The following HMCN1 variants were observed in gnomAD, a reference collection of about 807,000 sequenced individuals.
HMCN1 encodes the protein hemicentin 1.
HMCN1 carries 321 observed loss-of-function variants against 625.9 expected under a neutral mutation model. The observed-to-expected ratio is 0.51, with a 90% CI of 0.47 to 0.56. The LOEUF (loss-of-function observed/expected upper bound fraction) is 0.56. Among genes scored for constraint, HMCN1 ranks in the 20% least tolerant of loss-of-function variants. The probability of loss-of-function intolerance (pLI) is 0.00; values close to 1 mark genes in which losing one functional copy is unlikely to be tolerated. For missense variants in HMCN1, 6,588 were observed against 6,887.3 expected, an observed-to-expected ratio of 0.96 and a Z score of 1.54; for synonymous variants, 2,425 against 2,417.6, an observed-to-expected ratio of 1.00 and a Z score of -0.09.
chr1:185,955,772 A>C (rs1406193768), intron 11 of HMCN1, among the ~76,000 whole-genome samples: 2 of 152,100 alleles, frequency 1.3e-5, no homozygotes, highest in African/African-American at 4.8e-5. Context: ...GTCAGCCTCT[A>C]TGTCCATTAC....
At chr1:185,824,988 A>G (rs1571406873) in intron 1 of HMCN1, among the ~76,000 whole-genome samples, 1 of 152,186 alleles carries the variant, frequency 6.6e-6, no homozygotes, top group East Asian at 1.9e-4. Flanking sequence ...AATGATTACT[A>G]TAATGGCTGA....
chr1:186,033,291 AG>A (rs1315001653), intron 36 of HMCN1, among the ~76,000 whole-genome samples: 1 of 152,132 alleles, frequency 6.6e-6, no homozygotes, highest in Non-Finnish European at 1.5e-5. Context: ...TTGGGGATTC[AG>A]GGGGAAGTGT....
At chr1:185,889,002 T>G (rs1664866467) in intron 4 of HMCN1, among the ~76,000 whole-genome samples, 1 of 146,294 alleles carries the variant, frequency 6.8e-6, no homozygotes, top group Admixed American at 6.6e-5. Context: ...CGGTTTGTAG[T>G]TCTCCTTGAA....
intron 2 of HMCN1, among the ~76,000 whole-genome samples, chr1:185,857,182 A>G (rs1662520165): frequency 6.6e-6 from 1 of 152,136 alleles, no homozygotes; most frequent in Non-Finnish European, 1.5e-5. Context: ...TTATTCCAGG[A>G]GCAACATTTA....
intron 2 of HMCN1, among the ~76,000 whole-genome samples, chr1:185,849,586 A>G (rs897520453): frequency 1.3e-5 from 2 of 152,206 alleles, no homozygotes; most frequent in Admixed American, 1.3e-4. Context: ...ACTGTCATCG[A>G]TTCACTGTTG....
At chr1:186,140,458 G>A (rs1310601729) in intron 89 of HMCN1, among the ~76,000 whole-genome samples, 2 of 152,164 alleles carry the variant, frequency 1.3e-5, no homozygotes, top group Non-Finnish European at 2.9e-5. Context: ...CCACAGAAAT[G>A]ATTTTGTGTC....
chr1:185,989,368 C>A, intron 20 of HMCN1, 120 bp from the exon 21 acceptor site: 1 of 1,133,228 alleles, frequency 8.8e-7, no homozygotes, highest in Non-Finnish European at 1.3e-6. Flanking sequence ...AAAATTTACT[C>A]TATTCCCCTC....
chr1:186,081,255 C>G lies in HMCN1; in HGVS notation c.8648C>G (p.Thr2883Ser). 6.2e-7 allele frequency: 1 copy of G among 1,613,818 alleles called. No homozygotes were observed. The highest frequency in any genetic ancestry group is 2.2e-5 in the East Asian group (1 of 44,850). The change falls in exon 56 of 107, where the codon ACC (threonine) becomes AGC (serine). Residue 2883 changes from threonine (T) to serine (S), a missense_variant. By Grantham distance (58) the Thr-to-Ser change is moderately conservative. Transcript: ENST00000271588. The part of the protein sequence containing the change: ...GANSDLPEEV[T>S]VLVNKSALIE... ...AATAGTGATCTCCCTGAAGAGGTCA[C>G]CGTGCTGGTGAACAAGAGTGCACTG...
intron 30 of HMCN1, among the ~76,000 whole-genome samples, chr1:186,012,035 C>A (rs1414896080): frequency 1.3e-5 from 2 of 152,112 alleles, no homozygotes; most frequent in Non-Finnish European, 2.9e-5. Flanking sequence ...TTCAGTTTGA[C>A]TTCTGACAAA....
At chr1:185,916,390 A>G (rs1666703685) in intron 6 of HMCN1, among the ~76,000 whole-genome samples, 1 of 152,116 alleles carries the variant, frequency 6.6e-6, no homozygotes, top group Non-Finnish European at 1.5e-5. Context: ...AAGTCTGAGG[A>G]AAGTGGGGGA....
Position 185,925,099 on chromosome 1 carries a change from G to C in HMCN1, c.1338G>C (p.Pro446=). ...AAACCCCAGGATACTATCTGCAGCC[G>C]GGCCAAATTCCCTGCTCTGTTGACA... ...PEKTPGYYLQ[P]GQIPCSVDSL... The change falls in exon 9 of 107, where the codon CCG becomes CCC. Residue 446 remains proline, a synonymous_variant. Transcript: ENST00000271588. 1.2e-6 allele frequency: 2 copies of C among 1,613,772 alleles called. No homozygotes were observed. The highest frequency in any genetic ancestry group is 3.3e-4 in the Middle Eastern group (2 of 6,062).
At chr1:185,853,591 C>T (rs1662291874) in intron 2 of HMCN1, among the ~76,000 whole-genome samples, 1 of 151,964 alleles carries the variant, frequency 6.6e-6, no homozygotes. Flanking sequence ...TCCTACATCC[C>T]CAGAGAACAA....
At chr1:185,917,057 C>A (rs1350518780) in intron 6 of HMCN1, among the ~76,000 whole-genome samples, 1 of 152,160 alleles carries the variant, frequency 6.6e-6, no homozygotes, top group African/African-American at 2.4e-5. Flanking sequence ...CATAATGACT[C>A]ATGGAGAGTC....
chr1:185,805,928 T>C (rs1033461836), intron 1 of HMCN1, among the ~76,000 whole-genome samples: 12 of 152,160 alleles, frequency 7.9e-5, no homozygotes, highest in Admixed American at 4.6e-4. Flanking sequence ...TCATTTTCCA[T>C]TTATTTTTTT....
intron 4 of HMCN1, among the ~76,000 whole-genome samples, chr1:185,870,675 C>A (rs758072726): frequency 5.9e-5 from 9 of 152,146 alleles, no homozygotes; most frequent in Non-Finnish European, 1.0e-4. Flanking sequence ...GGTAGCCATC[C>A]TCTCAAGCAT....
At chr1:185,769,635 T>C (rs993440787) in intron 1 of HMCN1, among the ~76,000 whole-genome samples, 1 of 152,168 alleles carries the variant, frequency 6.6e-6, no homozygotes, top group Non-Finnish European at 1.5e-5. Context: ...AAAACTTAAA[T>C]GGTGGTTTTT....
chr1:185,921,322 A>G (rs1203345151), intron 6 of HMCN1, among the ~76,000 whole-genome samples: 13 of 152,154 alleles, frequency 8.5e-5, no homozygotes, highest in Non-Finnish European at 2.9e-5. Flanking sequence ...TGAGGAAGAA[A>G]CATGGTAGCA....
chr1:185,823,376 A>G (rs1210511836), intron 1 of HMCN1, among the ~76,000 whole-genome samples: 1 of 152,178 alleles, frequency 6.6e-6, no homozygotes, highest in Non-Finnish European at 1.5e-5. Context: ...ATGTAAAACA[A>G]CTGTGAAAGT....
At chr1:186,116,498 G>A (rs142284499) in intron 75 of HMCN1, among the ~76,000 whole-genome samples, 117 of 151,780 alleles carry the variant, frequency 7.7e-4, no homozygotes, top group African/African-American at 2.7e-3. Flanking sequence ...AAGGAGACAT[G>A]CAAAGTACAT....
Sources: gnomAD v4.1 joint callset for allele counts (sites outside exome capture counted in the v4.1 genomes callset) on GRCh38, gnomAD v4.1.1 for gene constraint, MANE v1.5 for transcripts, NCBI Gene and HGNC (gene_info 2026-07-23, HGNC 2026-07-21) for gene names.